CAMKMT: variants seen among roughly 807,000 people sequenced by gnomAD.
CAMKMT encodes the protein calmodulin-lysine N-methyltransferase, also known as CaM KMT.
In CAMKMT, 53 loss-of-function variants were observed where a neutral mutation model predicts 48.0. The ratio of observed to expected loss-of-function variants is 1.10; its 90% confidence interval spans 0.89 to 1.39. The LOEUF (loss-of-function observed/expected upper bound fraction) is 1.39, where lower values mean the gene tolerates loss of function less well. Among genes scored for constraint, CAMKMT ranks in the 40% most tolerant of loss-of-function variants. The pLI, the probability that CAMKMT is intolerant of heterozygous loss-of-function variation, is 0.00. For missense variants in CAMKMT, 428 were observed against 402.7 expected, an observed-to-expected ratio of 1.06 and a Z score of -0.54; for synonymous variants, 165 against 152.3, an observed-to-expected ratio of 1.08 and a Z score of -0.61.
At chr2:44,527,281 T>TTA (rs900576028) in intron 3 of CAMKMT, among the ~76,000 whole-genome samples, 12 of 143,634 alleles carry the variant, frequency 8.4e-5, no homozygotes, top group Non-Finnish European at 1.5e-4. Flanking sequence ...GTTATATATA[T>TTA]TATATATATA....
chr2:44,742,601 T>C (rs1436058258), intron 7 of CAMKMT, among the ~76,000 whole-genome samples: 1 of 152,172 alleles, frequency 6.6e-6, no homozygotes, highest in African/African-American at 2.4e-5. Context: ...CCAGCGTGTG[T>C]AGGTATTTTT....
intron 7 of CAMKMT, among the ~76,000 whole-genome samples, chr2:44,732,630 C>T (rs936250555): frequency 6.6e-6 from 1 of 152,178 alleles, no homozygotes. Flanking sequence ...TCACCATGCC[C>T]AGCTTGGAGT....
intron 3 of CAMKMT, among the ~76,000 whole-genome samples, chr2:44,421,395 T>A (rs998465851): frequency 3.3e-5 from 5 of 152,274 alleles, no homozygotes; most frequent in Middle Eastern, 3.4e-3. Context: ...AAACTAAAGA[T>A]CCTCTCTCAG....
intron 3 of CAMKMT, among the ~76,000 whole-genome samples, chr2:44,681,797 T>C (rs950376624): frequency 2.0e-5 from 3 of 152,208 alleles, no homozygotes; most frequent in Non-Finnish European, 4.4e-5. Flanking sequence ...TAGAGTTTGA[T>C]AGAACAGGGT....
At chr2:44,537,810 G>T (rs1418313691) in intron 3 of CAMKMT, among the ~76,000 whole-genome samples, 1 of 152,134 alleles carries the variant, frequency 6.6e-6, no homozygotes, top group Non-Finnish European at 1.5e-5. Context: ...TGATTCTCCT[G>T]CCTTGGTCTC....
At chr2:44,480,892 A>T (rs540781980) in intron 3 of CAMKMT, among the ~76,000 whole-genome samples, 1 of 152,224 alleles carries the variant, frequency 6.6e-6, no homozygotes, top group South Asian at 2.1e-4. Flanking sequence ...ATACATAGAG[A>T]TGCATATATA....
rs145647724 is a variant in CAMKMT, at chr2:44,568,876, G to A, written c.377-135407G>A. On this transcript the variant is annotated intron_variant, in intron 3 of 10. Transcript: ENST00000378494. ...GAAGCCCAGACCACAGAACAGGAACGAGGGAGATGGCAGTGGAAGAGAAGT... is the reference window on the plus strand; with the variant it reads ...GAAGCCCAGACCACAGAACAGGAACAAGGGAGATGGCAGTGGAAGAGAAGT... Among the ~76,000 whole-genome samples, 179 of 152,318 alleles carry A rather than the reference G, an allele frequency of 1.2e-3. 3 individuals carry two copies. In the East Asian group the frequency reaches 0.023, roughly 20 times the overall value.
At chr2:44,499,435 A>C (rs1340539975) in intron 3 of CAMKMT, among the ~76,000 whole-genome samples, 1 of 152,220 alleles carries the variant, frequency 6.6e-6, no homozygotes, top group African/African-American at 2.4e-5. Flanking sequence ...CTCAAGTTCT[A>C]GTGTATTCAT....
chr2:44,711,069 G>C (rs964745561), intron 6 of CAMKMT, among the ~76,000 whole-genome samples: 1 of 152,154 alleles, frequency 6.6e-6, no homozygotes, highest in Non-Finnish European at 1.5e-5. Context: ...CCTGACTTGA[G>C]TAACTAATAA....
chr2:44,468,812 A>G (rs1236452505), intron 3 of CAMKMT, among the ~76,000 whole-genome samples: 1 of 152,116 alleles, frequency 6.6e-6, no homozygotes, highest in Non-Finnish European at 1.5e-5. Context: ...CTAGGTACTC[A>G]GGAGGCTGAG....
chr2:44,405,722 A>G (rs1330434910), intron 3 of CAMKMT, among the ~76,000 whole-genome samples: 1 of 152,128 alleles, frequency 6.6e-6, no homozygotes, highest in Non-Finnish European at 1.5e-5. Context: ...TTAAAGCTGT[A>G]AAGAGACACA....
intron 3 of CAMKMT, among the ~76,000 whole-genome samples, chr2:44,622,293 T>C (rs942288550): frequency 6.6e-6 from 1 of 152,232 alleles, no homozygotes; most frequent in Admixed American, 6.5e-5. Flanking sequence ...AGAGGTAAAA[T>C]TTGCATATAA....
intron 7 of CAMKMT, among the ~76,000 whole-genome samples, chr2:44,722,716 T>G (rs1286321996): frequency 6.6e-6 from 1 of 152,162 alleles, no homozygotes; most frequent in Non-Finnish European, 1.5e-5. Context: ...ATAAATAATT[T>G]TGTGATTTCA....
chr2:44,377,114 C>T (rs1169557612), intron 2 of CAMKMT, among the ~76,000 whole-genome samples: 3 of 152,032 alleles, frequency 2.0e-5, no homozygotes, highest in Admixed American at 2.0e-4. Flanking sequence ...TTAAGCAATC[C>T]GCCCGCCTTA....
chr2:44,547,622 A>G (rs1287089145), intron 3 of CAMKMT, among the ~76,000 whole-genome samples: 2 of 152,228 alleles, frequency 1.3e-5, no homozygotes, highest in Admixed American at 6.5e-5. Context: ...TTAGCAATGC[A>G]TGGAACAAGA....
chr2:44,562,771 G>A (rs1668391860), intron 3 of CAMKMT, among the ~76,000 whole-genome samples: 1 of 152,146 alleles, frequency 6.6e-6, no homozygotes, highest in Non-Finnish European at 1.5e-5. Flanking sequence ...ATGTTGGCCA[G>A]GCTGGTCTCA....
intron 3 of CAMKMT, among the ~76,000 whole-genome samples, chr2:44,439,306 C>G (rs1666488736): frequency 6.6e-6 from 1 of 152,134 alleles, no homozygotes; most frequent in Non-Finnish European, 1.5e-5. Flanking sequence ...AATTAATCCT[C>G]TCTCTCTCCT....
chr2:44,574,526 T>A (rs1446288092), intron 3 of CAMKMT, among the ~76,000 whole-genome samples: 1 of 151,978 alleles, frequency 6.6e-6, no homozygotes, highest in Non-Finnish European at 1.5e-5. Context: ...AAATCCTTTG[T>A]CTTCTCTAGG....
At chr2:44,376,884 CT>C (rs2104373068) in intron 2 of CAMKMT, among the ~76,000 whole-genome samples, 1 of 152,266 alleles carries the variant, frequency 6.6e-6, no homozygotes, top group East Asian at 1.9e-4. Context: ...TTGTTGTCGT[CT>C]TTGTCTACCT....
Sources: allele counts gnomAD v4.1 joint callset (sites outside exome capture counted in the v4.1 genomes callset), GRCh38; gene constraint gnomAD v4.1.1; transcripts MANE v1.5; gene names NCBI Gene and HGNC (gene_info 2026-07-23, HGNC 2026-07-21).